The following LRP1B variants were observed in gnomAD, a reference collection of about 807,000 sequenced individuals.
LRP1B encodes LDL receptor related protein 1B, also known as low-density lipoprotein receptor-related protein 1B.
A neutral mutation model predicts 556.6 loss-of-function variants in LRP1B; 217 were observed. The ratio of observed to expected loss-of-function variants is 0.39; its 90% CI spans 0.35 to 0.44. LRP1B has a LOEUF of 0.44. LRP1B is among the 20% of genes least tolerant of loss of function. The pLI is 1.00. For synonymous variants in LRP1B, 2,047 were observed against 1,865.8 expected (o/e 1.10, Z -2.50); for missense variants, 5,053 against 5,620.8 (o/e 0.90, Z 3.23).
At chr2:141,209,159 T>C (rs545348383) in intron 6 of LRP1B, among the ~76,000 whole-genome samples, 1 of 152,298 alleles carries the variant, frequency 6.6e-6, no homozygotes, top group East Asian at 1.9e-4. Context: ...TGTTTGGTTC[T>C]GTGTCCCCAC....
At chr2:141,465,970 C>A (rs1328959545) in intron 3 of LRP1B, among the ~76,000 whole-genome samples, 3 of 152,016 alleles carry the variant, frequency 2.0e-5, no homozygotes, top group Non-Finnish European at 2.9e-5. Flanking sequence ...CTCACTGCAA[C>A]CTCTGTCCCC....
At chr2:141,893,608 T>C (rs765488542) in intron 1 of LRP1B, among the ~76,000 whole-genome samples, 2 of 152,162 alleles carry the variant, frequency 1.3e-5, no homozygotes, top group Non-Finnish European at 2.9e-5. Context: ...TTTCTAGCTA[T>C]TGCCAAATGG....
intron 35 of LRP1B, among the ~76,000 whole-genome samples, chr2:140,748,079 T>G (rs1688377248): frequency 8.5e-6 from 1 of 117,724 alleles, no homozygotes; most frequent in Non-Finnish European, 1.7e-5. Context: ...CTAGGAATTT[T>G]TAAAGTCCTA....
In LRP1B at chr2:140,923,095, A is replaced by G. The variant is rs779680712; in HGVS notation, c.3189T>C (p.Asp1063=). 5 of 1,612,886 alleles carry G rather than the reference A, an allele frequency of 3.1e-6. No individual in the cohort carries two copies. In the South Asian group the frequency reaches 5.5e-5, roughly 18 times the overall value. The change falls in exon 21 of 91, where the codon GAT becomes GAC. Residue 1063 remains aspartate, a synonymous_variant. Transcript: ENST00000389484. The part of the protein sequence containing the change: ...CNGNEFQCHP[D]GNCVPDLWRC... Reference sequence around the variant, plus strand: ...GCCACAAATCAGGAACGCAATTACCATCAGGGTGGCACTGAAATTCATTTC... The same window carrying G: ...GCCACAAATCAGGAACGCAATTACCGTCAGGGTGGCACTGAAATTCATTTC...
At chr2:140,429,373 C>T (rs1685815248) in intron 66 of LRP1B, among the ~76,000 whole-genome samples, 1 of 152,158 alleles carries the variant, frequency 6.6e-6, no homozygotes, top group Non-Finnish European at 1.5e-5. Context: ...ATCCATTATT[C>T]TGTTCTGGAT....
chr2:140,382,285 C>T (rs931238494), intron 67 of LRP1B, among the ~76,000 whole-genome samples: 25 of 152,058 alleles, frequency 1.6e-4, no homozygotes, highest in Admixed American at 5.2e-4. Flanking sequence ...TCTATGTAAA[C>T]CTTAATTTTT....
intron 2 of LRP1B, among the ~76,000 whole-genome samples, chr2:141,611,732 G>A (rs1311821510): frequency 6.6e-6 from 1 of 152,138 alleles, no homozygotes; most frequent in East Asian, 1.9e-4. Flanking sequence ...AGGCAGAATG[G>A]TTAACACAAA....
rs79997684 is a variant in LRP1B, at chr2:142,110,179, T to C, written c.82+20469A>G. On this transcript the variant is annotated intron_variant, in intron 1 of 90. Transcript: ENST00000389484. ...CCCATCATTCTTCCTGGAATAAAAA[T>C]TCCTCTTTTTTCAAGAAGTAAAGTG... is the stretch of plus-strand genomic sequence containing the variant. 3.1e-3 allele frequency among the ~76,000 whole-genome samples: 478 copies of C among 152,186 alleles called. 2 individuals carry two copies. Among genetic ancestry groups the C allele is most frequent in the Non-Finnish European group, 5.4e-3 (369 of 68,010 alleles).
intron 5 of LRP1B, 71 bp from the exon 6 acceptor site, chr2:141,229,511 A>G: frequency 8.8e-7 from 1 of 1,134,202 alleles, no homozygotes; most frequent in South Asian, 1.4e-5. Context: ...TGCCCTAGTT[A>G]TTGAAAGCTA....
chr2:140,340,072 G>A (rs1299657833), intron 77 of LRP1B, among the ~76,000 whole-genome samples: 1 of 151,006 alleles, frequency 6.6e-6, no homozygotes, highest in Non-Finnish European at 1.5e-5. Flanking sequence ...ATGTGATTTT[G>A]TTACTCTTTT....
At chr2:141,876,089 T>A (rs1196607468) in intron 1 of LRP1B, among the ~76,000 whole-genome samples, 1 of 151,988 alleles carries the variant, frequency 6.6e-6, no homozygotes, top group Non-Finnish European at 1.5e-5. Context: ...TCTTAAAAAA[T>A]TTCCATTTTT....
At chr2:140,584,594 C>T in intron 43 of LRP1B, among the ~76,000 whole-genome samples, 1 of 151,940 alleles carries the variant, frequency 6.6e-6, no homozygotes, top group Admixed American at 6.6e-5. Context: ...GAAGGGACAC[C>T]AGTTATTTTC....
At chr2:141,228,582 AGTGTGTGTGT>A (rs3063860) in intron 6 of LRP1B, among the ~76,000 whole-genome samples, 14 of 146,398 alleles carry the variant, frequency 9.6e-5, no homozygotes, top group Middle Eastern at 3.6e-3. Context: ...TGTGTGTATG[AGTGTGTGTGT>A]GTGTGTGTGT....
intron 20 of LRP1B, among the ~76,000 whole-genome samples, chr2:140,935,364 C>T (rs1364766288): frequency 2.0e-5 from 3 of 151,886 alleles, no homozygotes; most frequent in African/African-American, 2.4e-5. Context: ...AAATGAAAAG[C>T]CTTTGGAGAT....
chr2:141,165,724 T>A (rs764345132), intron 7 of LRP1B, among the ~76,000 whole-genome samples: 2 of 152,042 alleles, frequency 1.3e-5, no homozygotes, highest in Admixed American at 1.3e-4. Context: ...AATTAAAAGT[T>A]CTGTGTAATT....
chr2:141,031,818 C>G (rs890129959), intron 11 of LRP1B, among the ~76,000 whole-genome samples: 1 of 151,546 alleles, frequency 6.6e-6, no homozygotes, highest in Non-Finnish European at 1.5e-5. Context: ...AAAACAACAC[C>G]CATTTAGAAC....
At chr2:141,039,747 C>T (rs181241524) in intron 11 of LRP1B, among the ~76,000 whole-genome samples, 1 of 152,172 alleles carries the variant, frequency 6.6e-6, no homozygotes, top group African/African-American at 2.4e-5. Flanking sequence ...ACCCTCTAGC[C>T]ACCATAGCCA....
chr2:140,974,929 T>G (rs1696546307), intron 18 of LRP1B, among the ~76,000 whole-genome samples: 1 of 152,152 alleles, frequency 6.6e-6, no homozygotes, highest in African/African-American at 2.4e-5. Flanking sequence ...AAGGCACTGA[T>G]GAGATGTTTT....
chr2:141,191,083 T>C (rs1329728799), intron 6 of LRP1B, among the ~76,000 whole-genome samples: 1 of 151,896 alleles, frequency 6.6e-6, no homozygotes, highest in African/African-American at 2.4e-5. Flanking sequence ...AATGCCCCAT[T>C]TACTATTCTT....
Sources: gnomAD v4.1 joint callset for allele counts (sites outside exome capture counted in the v4.1 genomes callset) on GRCh38, gnomAD v4.1.1 for gene constraint, MANE v1.5 for transcripts, NCBI Gene and HGNC (gene_info 2026-07-23, HGNC 2026-07-21) for gene names.